Variants in LZTR1 observed in about 807,000 individuals in gnomAD.
LZTR1 encodes the protein leucine zipper like post translational regulator 1.
In LZTR1, 260 loss-of-function variants were observed where a neutral mutation model predicts 105.7. The observed-to-expected ratio is 2.46, with a 90% CI of 2.22 to 2.72. The LOEUF is 2.72. LZTR1 is among the 30% of genes most tolerant of loss of function. LZTR1 has a pLI of 0.00. For missense variants in LZTR1, 1,214 were observed against 1,166.9 expected (o/e 1.04, Z -0.59); for synonymous variants, 490 against 476.4 (o/e 1.03, Z -0.37).
Position 20,983,043 on chromosome 22 carries a change from G to A in LZTR1, c.217G>A (p.Val73Met), listed in dbSNP as rs757203744. ...FVGARRSKHT[V>M]VAYKDAIYVF... ...TCTTTCCAGGCGCAGCAAGCACACAGTGGTGGCCTATAAAGATGCCATTTA... is the reference window on the plus strand; with the variant it reads ...TCTTTCCAGGCGCAGCAAGCACACAATGGTGGCCTATAAAGATGCCATTTA... The change falls in exon 2 of 21, where the codon GTG (valine) becomes ATG (methionine). Residue 73 changes from valine to methionine, a missense_variant. Coordinates refer to ENST00000646124, the MANE Select transcript of LZTR1 (RefSeq NM_006767.4). The A allele has an allele frequency of 6.2e-7, 1 of 1,614,164 alleles. No homozygotes were observed. Among genetic ancestry groups the A allele is most frequent in the South Asian group, 1.1e-5 (1 of 91,090 alleles).
chr22:20,985,416 G>A (rs1924344474), intron 2 of LZTR1, among the ~76,000 whole-genome samples: 1 of 151,408 alleles, frequency 6.6e-6, no homozygotes. Flanking sequence ...AGAAGCAAAG[G>A]GCCTCTCCTG....
intron 8 of LZTR1, chr22:20,990,784 C>CCT: frequency 4.5e-6 from 2 of 444,532 alleles, no homozygotes; most frequent in Non-Finnish European, 8.1e-6. Flanking sequence ...ACGTCCCCTT[C>CCT]CTCGTGAATA....
intron 9 of LZTR1, 142 bp from the exon 10 acceptor site, chr22:20,992,072 G>T (rs994960038): frequency 1.2e-6 from 1 of 839,664 alleles, no homozygotes; most frequent in Non-Finnish European, 1.9e-6. Context: ...CTGCTGTGCT[G>T]CAGACCTTTC....
At chr22:20,995,141 A>G (rs1924785611) in intron 16 of LZTR1, 115 bp downstream of exon 16, 2 of 1,182,004 alleles carry the variant, frequency 1.7e-6, no homozygotes, top group Admixed American at 4.2e-5. Flanking sequence ...GGTGGGTGCC[A>G]TGGGACCCCA....
chr22:20,990,114 A>T (rs982824437), intron 7 of LZTR1, among the ~76,000 whole-genome samples: 2 of 149,762 alleles, frequency 1.3e-5, no homozygotes, highest in Non-Finnish European at 2.9e-5. Flanking sequence ...TTTATTCATT[A>T]AAAAAAATTG....
At chr22:20,984,405 C>A (rs932909645) in intron 2 of LZTR1, among the ~76,000 whole-genome samples, 1 of 152,212 alleles carries the variant, frequency 6.6e-6, no homozygotes, top group African/African-American at 2.4e-5. Context: ...CAGTACAAGG[C>A]AGCAAGTGGG....
In LZTR1 at chr22:20,994,195, G is replaced by A. The variant is rs201687217; in HGVS notation, c.1541G>A (p.Arg514Gln). The change falls in exon 14 of 21, where the codon CGG becomes CAG. Residue 514 changes from arginine to glutamine, a missense_variant. By Grantham distance (43) the Arg-to-Gln change is conservative (BLOSUM62 1). Coordinates refer to ENST00000646124, the MANE Select transcript of LZTR1 (RefSeq NM_006767.4). ...ARPPLLHVAI[R>Q]EAEARPFEVL... ...CCGCCCCTGCTGCACGTGGCCATCC[G>A]GGAGGCCGAGGCCCGGCCCTTCGAG... 1.2e-5 allele frequency: 19 copies of A among 1,603,116 alleles called. No homozygotes were observed. The East Asian group carries it at 3.4e-4, about 28-fold the overall frequency.
rs548900356 is a variant in LZTR1 at position 20,991,826 on chromosome 22, C to T, written c.990C>T (p.Ser330=). Reference sequence around the variant, plus strand: ...AGGTCGTCCAGCCCAGCTCCGACAGCGAGGTGAGGGTGCCCAGGGGTGTCC... The same window carrying T: ...AGGTCGTCCAGCCCAGCTCCGACAGTGAGGTGAGGGTGCCCAGGGGTGTCC... ...TWEVVQPSSD[S]EVGGAEVPER... The change falls in exon 9 of 21, where the codon AGC becomes AGT. Residue 330 remains serine (S), a synonymous_variant. Coordinates refer to ENST00000646124, the MANE Select transcript of LZTR1 (RefSeq NM_006767.4). 46 of 1,548,674 alleles carry T rather than the reference C, an allele frequency of 3.0e-5. No homozygotes were observed. Among genetic ancestry groups the T allele is most frequent in the South Asian group, 1.2e-4 (10 of 83,970 alleles).
rs184919099 is a variant in LZTR1, at chr22:20,998,244, C to T, written c.*896C>T. 1 of 152,536 alleles carries T rather than the reference C, an allele frequency of 6.6e-6. No individual in the cohort carries two copies. The highest frequency in any genetic ancestry group is 1.5e-5 in the Non-Finnish European group (1 of 68,164). 9.4% of individuals were successfully genotyped at this position (152,536 alleles called of 1,614,324 possible). A position where few individuals can be genotyped will look rare whatever the true frequency, so the allele number is the denominator to read the frequency against. On this transcript the variant is annotated 3_prime_UTR_variant, in exon 21 of 21. Coordinates refer to ENST00000646124, the MANE Select transcript of LZTR1 (RefSeq NM_006767.4). ...CTCTATCCATGCTGTCAACTCCTGC[C>T]TCCACCTGGGGTCACCCAGTCACAT...
chr22:20,994,140 GC>G lies in LZTR1; in HGVS notation c.1491del (p.Gly498AlafsTer58). ...GGAGGCCGCCCCAGTTCCCAGGGAG[GC>G]CCCCGGCGTGGCTGCTGGTGGGGCC... Reference protein sequence around the residue: ...EQEAAPVPREAPGVAAGGARP... With the variant: ...EQEAAPVPREXPGVAAGGARP... On this transcript the variant is annotated frameshift_variant, in exon 14 of 21. Coordinates refer to ENST00000646124, the MANE Select transcript of LZTR1 (RefSeq NM_006767.4). LOFTEE classifies it high-confidence loss of function. 4 of 1,589,550 alleles carry G rather than the reference GC, an allele frequency of 2.5e-6. No individual in the cohort carries two copies. Among genetic ancestry groups the G allele is most frequent in the South Asian group, 1.1e-5 (1 of 89,104 alleles).
At chr22:20,986,227 G>A in intron 3 of LZTR1, 1 of 244,706 alleles carries the variant, frequency 4.1e-6, no homozygotes, top group Non-Finnish European at 7.8e-6. Context: ...AAGATGGCTA[G>A]TAGTTACAAA....
At position 20,995,061 on chromosome 22, in the gene LZTR1, G is replaced by A. The variant is rs750967387; in HGVS notation, c.1942+35G>A. ...CCCGTTCCCCTTCCCTGGGGGCTGG[G>A]AGGGATGGTGTTCATCTGCGGTAGG... On this transcript the variant is annotated intron_variant, in intron 16 of 20. Coordinates refer to ENST00000646124, the MANE Select transcript of LZTR1 (RefSeq NM_006767.4). 5.7e-6 allele frequency: 9 copies of A among 1,582,058 alleles called. 1 individual carries two copies. In the Admixed American group the frequency reaches 8.6e-5, roughly 15 times the overall value.
In LZTR1 at chr22:20,994,553, C is replaced by T. The variant is rs201238759; in HGVS notation, c.1616-5C>T. ...TCCCTGAGATTCGGGGGCTCTGGGG[C>T]GCAGGCCATGTGGAGGATGTGCTGC... On this transcript the variant is annotated splice_polypyrimidine_tract_variant and splice_region_variant and intron_variant, in intron 14 of 20. Coordinates refer to ENST00000646124, the MANE Select transcript of LZTR1 (RefSeq NM_006767.4). 2.4e-5 allele frequency: 39 copies of T among 1,607,402 alleles called. No individual in the cohort carries two copies. The highest frequency in any genetic ancestry group is 1.5e-4 in the African/African-American group (11 of 74,924).
rs1924498617 is a variant in LZTR1, at chr22:20,988,888, G to A, written c.593+16G>A. 1 of 1,610,466 alleles carries A rather than the reference G, an allele frequency of 6.2e-7. No homozygotes were observed. The highest frequency in any genetic ancestry group is 1.7e-5 in the Admixed American group (1 of 60,004). ...GCAACGCCAGGTGGGTGGTGGTCCGGCCTGTGCACCCCACCTCCGACAGCA... is the reference window on the plus strand; with the variant it reads ...GCAACGCCAGGTGGGTGGTGGTCCGACCTGTGCACCCCACCTCCGACAGCA... On this transcript the variant is annotated intron_variant, in intron 6 of 20. Coordinates refer to ENST00000646124, the MANE Select transcript of LZTR1 (RefSeq NM_006767.4).
Position 20,994,140 on chromosome 22 carries a change from G to A in LZTR1, c.1486G>A (p.Ala496Thr). The A allele has an allele frequency of 6.3e-7, 1 of 1,589,554 alleles. No homozygotes were observed. Among genetic ancestry groups the A allele is most frequent in the Non-Finnish European group, 8.6e-7 (1 of 1,166,982 alleles). ...EQEAAPVPRE[A>T]PGVAAGGARP... ...GGAGGCCGCCCCAGTTCCCAGGGAG[G>A]CCCCCGGCGTGGCTGCTGGTGGGGC... Residue 496 changes from alanine (A) to threonine (T), a missense_variant, in exon 14 of 21, where the codon GCC (alanine) becomes ACC (threonine). Ala to Thr is a moderately conservative substitution (Grantham distance 58). Transcript: ENST00000646124.
intron 2 of LZTR1, among the ~76,000 whole-genome samples, chr22:20,983,715 G>A (rs1924279180): frequency 6.6e-6 from 1 of 152,186 alleles, no homozygotes; most frequent in Admixed American, 6.5e-5. Flanking sequence ...GGTCCTGTAG[G>A]CCTCCTTGGG....
At position 20,982,398 on chromosome 22, in the gene LZTR1, G is replaced by A. The variant is rs750714248; in HGVS notation, c.27G>A (p.Gly9=). Residue 9 remains glycine, a synonymous_variant, in exon 1 of 21, where the codon GGG becomes GGA. Transcript: ENST00000646124. ...TGGCTGGACCGGGCAGCACGGGGGG[G>A]CAGATCGGGGCTGCGGCCCTGGCAG... MAGPGSTG[G]QIGAAALAGG... The A allele has an allele frequency of 2.2e-5, 34 of 1,561,064 alleles. 1 individual carries two copies. The South Asian group carries it at 3.0e-4, about 14-fold the overall frequency.
chr22:20,985,782 CTG>C, intron 2 of LZTR1, 57 bp from the exon 3 acceptor site: 1 of 1,517,102 alleles, frequency 6.6e-7, no homozygotes, highest in South Asian at 1.1e-5. Flanking sequence ...GTGCCCATCT[CTG>C]GGGTCACTGC....
At chr22:20,995,296 A>G (rs962849380) in intron 16 of LZTR1, 21 of 664,844 alleles carry the variant, frequency 3.2e-5, no homozygotes, top group Non-Finnish European at 5.9e-5. Flanking sequence ...CTTTCGGGCT[A>G]GGATGTCAGG....
Sources: allele counts gnomAD v4.1 joint callset (sites outside exome capture counted in the v4.1 genomes callset), GRCh38; gene constraint gnomAD v4.1.1; transcripts MANE v1.5; gene names NCBI Gene and HGNC (gene_info 2026-07-23, HGNC 2026-07-21).